The following ATP1B1 variants were observed in gnomAD, a reference collection of about 807,000 sequenced individuals.
ATP1B1 encodes sodium/potassium-transporting ATPase subunit beta-1.
A neutral mutation model predicts 39.6 loss-of-function variants in ATP1B1; 3 were observed. That is an observed-to-expected ratio of 0.08 (90% CI 0.03 to 0.20). The LOEUF is 0.20. Ranked by LOEUF, ATP1B1 falls within the 10% of genes least tolerant of loss-of-function variation. The pLI is 1.00. For missense variants in ATP1B1, 216 were observed against 371.1 expected (o/e 0.58, Z 3.43); for synonymous variants, 139 against 135.0 (o/e 1.03, Z -0.20).
At chr1:169,109,342 C>A (rs552971998) in intron 1 of ATP1B1, among the ~76,000 whole-genome samples, 2 of 152,216 alleles carry the variant, frequency 1.3e-5, no homozygotes, top group East Asian at 3.9e-4. Flanking sequence ...CACAGTGCCA[C>A]CCCAGATAGT....
At chr1:169,119,506 C>T (rs1432472479) in intron 2 of ATP1B1, among the ~76,000 whole-genome samples, 2 of 152,114 alleles carry the variant, frequency 1.3e-5, no homozygotes, top group African/African-American at 2.4e-5. Flanking sequence ...TCATCCTTGT[C>T]CAGAGTCATA....
chr1:169,109,835 T>C (rs1297214519), intron 1 of ATP1B1, among the ~76,000 whole-genome samples: 1 of 152,090 alleles, frequency 6.6e-6, no homozygotes, highest in Non-Finnish European at 1.5e-5. Context: ...TGCTGACTGT[T>C]ACACCAACTC....
At chr1:169,130,489 T>C (rs1175507686) in intron 5 of ATP1B1, among the ~76,000 whole-genome samples, 1 of 152,090 alleles carries the variant, frequency 6.6e-6, no homozygotes, top group Non-Finnish European at 1.5e-5. Flanking sequence ...GGCTTCTCTT[T>C]TAAAAATATT....
rs1427150033 is a variant in ATP1B1, at chr1:169,131,381, T to C, written c.738T>C (p.Tyr246=). Residue 246 remains tyrosine (Y), a synonymous_variant, in exon 6 of 6, where the codon TAT becomes TAC. Coordinates refer to ENST00000367815, the MANE Select transcript of ATP1B1 (RefSeq NM_001677.4). The surrounding 1 kb of genome is among the most constrained non-coding windows in gnomAD (Gnocchi z 4.4). ...PGFPLQYYPY[Y]GKLLQPKYLQ... ...TTCCTCTGCAGTATTATCCGTACTA[T>C]GGCAAACTCCTGCAGCCCAAATACC... is the stretch of plus-strand genomic sequence containing the variant. 4 of 1,614,098 alleles carry C rather than the reference T, an allele frequency of 2.5e-6. No homozygotes were observed. The highest frequency in any genetic ancestry group is 3.4e-6 in the Non-Finnish European group (4 of 1,180,042).
In ATP1B1 at chr1:169,106,895, G is replaced by A. The variant is rs1258903749; in HGVS notation, c.66G>A (p.Lys22=). The A allele has an allele frequency of 1.3e-6, 2 of 1,582,310 alleles. No individual in the cohort carries two copies. Among genetic ancestry groups the A allele is most frequent in the African/African-American group, 2.8e-5 (2 of 71,300 alleles). ...WKKFIWNSEK[K]EFLGRTGGSW... The stretch of plus-strand genomic sequence containing the variant: ...AATTCATCTGGAACTCAGAGAAGAA[G>A]GAGTTTCTGGGCAGGACCGGTGGCA... The change falls in exon 1 of 6, where the codon AAG becomes AAA. Residue 22 remains lysine (K), a synonymous_variant. Transcript: ENST00000367815.
At chr1:169,110,539 C>T in intron 1 of ATP1B1, 1 of 845,984 alleles carries the variant, frequency 1.2e-6, no homozygotes, top group Non-Finnish European at 1.6e-6. Flanking sequence ...AACTGATAGC[C>T]ACCCTCATTC....
intron 2 of ATP1B1, among the ~76,000 whole-genome samples, chr1:169,119,710 G>A (rs1657932395): frequency 6.6e-6 from 1 of 152,136 alleles, no homozygotes; most frequent in Non-Finnish European, 1.5e-5. Flanking sequence ...ATGGGGTTAT[G>A]TTCTAGTAAC....
chr1:169,106,892 G>A lies in ATP1B1; in HGVS notation c.63G>A (p.Lys21=), dbSNP rs1350851325. The A allele has an allele frequency of 6.3e-7, 1 of 1,585,042 alleles. No homozygotes were observed. Among genetic ancestry groups the A allele is most frequent in the South Asian group, 1.1e-5 (1 of 87,936 alleles). Residue 21 remains lysine (K), a synonymous_variant, in exon 1 of 6, where the codon AAG becomes AAA. Coordinates refer to ENST00000367815, the MANE Select transcript of ATP1B1 (RefSeq NM_001677.4). ...SWKKFIWNSE[K]KEFLGRTGGS... is the part of the protein sequence containing the mutation. ...AGAAATTCATCTGGAACTCAGAGAA[G>A]AAGGAGTTTCTGGGCAGGACCGGTG...
At chr1:169,112,909 G>A (rs1013919595) in intron 2 of ATP1B1, among the ~76,000 whole-genome samples, 2 of 152,312 alleles carry the variant, frequency 1.3e-5, no homozygotes, top group Non-Finnish European at 2.9e-5. Flanking sequence ...CATGTTTTAC[G>A]TTGGGTATGG....
intron 3 of ATP1B1, among the ~76,000 whole-genome samples, chr1:169,126,881 C>T (rs10919066): frequency 0.55 from 83,593 of 151,796 alleles, 23,687 homozygotes; most frequent in East Asian, 0.82. Flanking sequence ...ATGCTACTCA[C>T]GCAGTGTGAT....
At position 169,132,035 on chromosome 1, in the gene ATP1B1, T is replaced by TTTTTTTG. The variant is rs1557954341; in HGVS notation, c.*488_*494dup. ...GGCATGGTAATTTTTTTTTTTTTTT[T>TTTTTTTG]TTTTTTGTTTTTTGGCTCTTTCAAA... On this transcript the variant is annotated 3_prime_UTR_variant, in exon 6 of 6. Coordinates refer to ENST00000367815, the MANE Select transcript of ATP1B1 (RefSeq NM_001677.4). 8.2e-6 allele frequency: 2 copies of TTTTTTTG among 244,696 alleles called. No homozygotes were observed. Among genetic ancestry groups the TTTTTTTG allele is most frequent in the African/African-American group, 2.5e-5 (1 of 40,034 alleles). 15.2% of individuals were successfully genotyped at this position (244,696 alleles called of 1,614,324 possible).
Position 169,131,281 on chromosome 1 carries a change from C to A in ATP1B1, c.649-11C>A. ...TGAGCCATTAAAATTTCATTTCATT[C>A]TGGATTTCAGCGAGATGAAGATAAG... On this transcript the variant is annotated splice_polypyrimidine_tract_variant and intron_variant, in intron 5 of 5. Transcript: ENST00000367815. The surrounding 1 kb of genome is among the most constrained non-coding windows in gnomAD (Gnocchi z 4.4). 1 of 1,610,776 alleles carries A rather than the reference C, an allele frequency of 6.2e-7. No individual in the cohort carries two copies. Among genetic ancestry groups the A allele is most frequent in the Admixed American group, 1.7e-5 (1 of 59,776 alleles).
chr1:169,123,585 C>CTA lies in ATP1B1; in HGVS notation c.227-1285_227-1284dup, dbSNP rs377350232. Among the ~76,000 whole-genome samples the CTA allele has an allele frequency of 4.7e-3, 654 of 137,948 alleles. 5 individuals carry two copies. The highest frequency in any genetic ancestry group is 0.016 in the African/African-American group (618 of 38,724). 90.5% of individuals were successfully genotyped at this position (137,948 alleles called of 152,430 possible). A position where few individuals can be genotyped will look rare whatever the true frequency, so the allele number is the denominator to read the frequency against. On this transcript the variant is annotated intron_variant, in intron 2 of 5. Transcript: ENST00000367815. Reference sequence around the variant, plus strand: ...TTTCAGTTAAACTATATCTCTCTCTCTATATATATATATATTTATATATAT... The same window carrying CTA: ...TTTCAGTTAAACTATATCTCTCTCTCTATATATATATATATATTTATATATAT...
At chr1:169,128,324 T>C (rs190976592) in intron 4 of ATP1B1, among the ~76,000 whole-genome samples, 10 of 152,376 alleles carry the variant, frequency 6.6e-5, no homozygotes, top group Admixed American at 3.9e-4. Flanking sequence ...CTGGCACTTT[T>C]GTTCATTAAT....
intron 1 of ATP1B1, among the ~76,000 whole-genome samples, chr1:169,107,324 C>G (rs548905408): frequency 1.3e-5 from 2 of 152,174 alleles, no homozygotes; most frequent in East Asian, 3.9e-4. Flanking sequence ...GAGAGAACCT[C>G]GTGAGGTGAT....
chr1:169,118,678 C>T (rs1297945457), intron 2 of ATP1B1, among the ~76,000 whole-genome samples: 1 of 152,150 alleles, frequency 6.6e-6, no homozygotes, highest in Non-Finnish European at 1.5e-5. Flanking sequence ...TTTATGTGTA[C>T]ATATACGTGT....
intron 1 of ATP1B1, 107 bp downstream of exon 1, chr1:169,107,033 G>C (rs1571216760): frequency 9.0e-7 from 1 of 1,109,554 alleles, no homozygotes. Context: ...CGCTGGCCGG[G>C]GTGGCGGGGG....
chr1:169,114,453 C>T (rs1657798336), intron 2 of ATP1B1, among the ~76,000 whole-genome samples: 1 of 152,150 alleles, frequency 6.6e-6, no homozygotes, highest in African/African-American at 2.4e-5. Flanking sequence ...TCCAGCCTGA[C>T]TGGGTATTGA....
In ATP1B1 at chr1:169,131,411, G is replaced by A. The variant is rs2101796282; in HGVS notation, c.768G>A (p.Gln256=). ...YGKLLQPKYL[Q]PLLAVQFTNL... is the part of the protein sequence containing the mutation. ...AACTCCTGCAGCCCAAATACCTGCA[G>A]CCCCTGCTGGCCGTACAGTTCACCA... Residue 256 remains glutamine (Q), a synonymous_variant, in exon 6 of 6, where the codon CAG becomes CAA. Coordinates refer to ENST00000367815, the MANE Select transcript of ATP1B1 (RefSeq NM_001677.4). The surrounding 1 kb of genome is among the most constrained non-coding windows in gnomAD (Gnocchi z 4.4). 6.2e-7 allele frequency: 1 copy of A among 1,614,152 alleles called. No individual in the cohort carries two copies. Among genetic ancestry groups the A allele is most frequent in the Non-Finnish European group, 8.5e-7 (1 of 1,180,032 alleles).
Sources: gnomAD v4.1 joint callset for allele counts (sites outside exome capture counted in the v4.1 genomes callset) on GRCh38, gnomAD v4.1.1 for gene constraint, Gnocchi (gnomAD v3.1) non-coding constraint, MANE v1.5 for transcripts, NCBI Gene and HGNC (gene_info 2026-07-23, HGNC 2026-07-21) for gene names.